KCTD8: variants seen among roughly 807,000 people sequenced by gnomAD.
KCTD8 encodes the protein BTB/POZ domain-containing protein KCTD8.
KCTD8 carries 27 observed loss-of-function variants against 31.5 expected under a neutral mutation model. The observed-to-expected ratio is 0.86, with a 90% CI of 0.63 to 1.18. The LOEUF (loss-of-function observed/expected upper bound fraction) is 1.18, where lower values mean the gene tolerates loss of function less well. KCTD8 is among the 50% of genes most tolerant of loss of function. The pLI, the probability that KCTD8 is intolerant of heterozygous loss-of-function variation, is 0.00. For synonymous variants in KCTD8, 290 were observed against 280.0 expected (o/e 1.04, Z -0.36); for missense variants, 658 against 647.7 (o/e 1.02, Z -0.17).
intron 1 of KCTD8, among the ~76,000 whole-genome samples, chr4:44,186,233 G>C (rs1053844039): frequency 2.6e-5 from 4 of 152,164 alleles, no homozygotes; most frequent in Non-Finnish European, 4.4e-5. Flanking sequence ...GCCATCAACT[G>C]GGGGAGCGAT....
chr4:44,445,401 T>G (rs1721914881), intron 1 of KCTD8, among the ~76,000 whole-genome samples: 1 of 152,188 alleles, frequency 6.6e-6, no homozygotes, highest in Non-Finnish European at 1.5e-5. Context: ...GGACTTTTTA[T>G]GAATGAATTT....
chr4:44,197,100 T>G (rs1018068977), intron 1 of KCTD8, among the ~76,000 whole-genome samples: 2 of 152,064 alleles, frequency 1.3e-5, no homozygotes, highest in Non-Finnish European at 2.9e-5. Context: ...CCGGAAAACA[T>G]GCAGATGGCA....
chr4:44,384,565 A>T (rs915508471), intron 1 of KCTD8, among the ~76,000 whole-genome samples: 2 of 151,898 alleles, frequency 1.3e-5, no homozygotes, highest in Non-Finnish European at 2.9e-5. Context: ...TCATATGTGG[A>T]AGCTAAAAAG....
chr4:44,250,831 G>A (rs1715807510), intron 1 of KCTD8, among the ~76,000 whole-genome samples: 1 of 151,596 alleles, frequency 6.6e-6, no homozygotes, highest in South Asian at 2.1e-4. Flanking sequence ...TTTATATAGG[G>A]TGCAAACATT....
chr4:44,263,446 C>T (rs1340500979), intron 1 of KCTD8, among the ~76,000 whole-genome samples: 3 of 152,102 alleles, frequency 2.0e-5, no homozygotes, highest in Non-Finnish European at 4.4e-5. Flanking sequence ...ACTTCTTAAT[C>T]GTTTGCTGTT....
intron 1 of KCTD8, among the ~76,000 whole-genome samples, chr4:44,365,495 G>A (rs1162941134): frequency 6.6e-6 from 1 of 152,038 alleles, no homozygotes; most frequent in African/African-American, 2.4e-5. Context: ...TGAATGCATT[G>A]AATAGAATAC....
intron 1 of KCTD8, among the ~76,000 whole-genome samples, chr4:44,392,564 C>T (rs376028087): frequency 9.3e-4 from 141 of 151,940 alleles, no homozygotes; most frequent in African/African-American, 3.2e-3. Flanking sequence ...ATTTCCCTGC[C>T]AATATTCATA....
chr4:44,426,451 T>C (rs986862065), intron 1 of KCTD8, among the ~76,000 whole-genome samples: 1 of 151,232 alleles, frequency 6.6e-6, no homozygotes, highest in African/African-American at 2.4e-5. Context: ...AGGAAGAGAA[T>C]AGAGGAGGAT....
intron 1 of KCTD8, among the ~76,000 whole-genome samples, chr4:44,353,872 A>G (rs766557463): frequency 9.2e-5 from 14 of 152,108 alleles, no homozygotes; most frequent in Non-Finnish European, 1.9e-4. Flanking sequence ...ACTAAGACAA[A>G]TAGTTGTTCA....
intron 1 of KCTD8, among the ~76,000 whole-genome samples, chr4:44,404,047 A>G (rs185189326): frequency 1.3e-5 from 2 of 152,276 alleles, no homozygotes; most frequent in East Asian, 3.9e-4. Context: ...TTCAGCACCT[A>G]CAAAACCGAG....
intron 1 of KCTD8, among the ~76,000 whole-genome samples, chr4:44,342,196 C>T (rs1392708793): frequency 1.3e-5 from 2 of 151,778 alleles, no homozygotes; most frequent in Admixed American, 1.3e-4. Context: ...ACGGTGAAAC[C>T]CCGTCTCTAC....
At chr4:44,272,314 A>C (rs1455953623) in intron 1 of KCTD8, among the ~76,000 whole-genome samples, 1 of 151,836 alleles carries the variant, frequency 6.6e-6, no homozygotes, top group African/African-American at 2.4e-5. Context: ...AGAAAGATAA[A>C]TGATGAACAA....
intron 1 of KCTD8, among the ~76,000 whole-genome samples, chr4:44,197,349 C>A (rs1239741079): frequency 6.6e-6 from 1 of 151,986 alleles, no homozygotes; most frequent in African/African-American, 2.4e-5. Context: ...CAGCCTGGAA[C>A]AAGTGAAAAA....
chr4:44,448,623 T>G lies in KCTD8; in HGVS notation c.-100A>C. On this transcript the variant is annotated 5_prime_UTR_variant, in exon 1 of 2. Transcript: ENST00000360029. The surrounding 1 kb of genome is among the most constrained non-coding windows in gnomAD (Gnocchi z 4.1). ...CGCGTGCTCCTGGCGCTCTGCGCCC[T>G]CGGACTGGGCGGCGCGTTCCTCCGA... is the stretch of plus-strand genomic sequence containing the variant. The G allele has an allele frequency of 8.1e-7, 1 of 1,235,550 alleles. No individual in the cohort carries two copies. The highest frequency in any genetic ancestry group is 1.0e-6 in the Non-Finnish European group (1 of 971,578). The allele number at this position is 1,235,550 out of a possible 1,614,324, so 76.5% of individuals were successfully genotyped here.
chr4:44,425,890 A>G (rs1448571973), intron 1 of KCTD8, among the ~76,000 whole-genome samples: 1 of 151,920 alleles, frequency 6.6e-6, no homozygotes, highest in African/African-American at 2.4e-5. Flanking sequence ...CATCTCCTGG[A>G]CATTGTCTTG....
At chr4:44,295,754 A>ATG (rs1717411047) in intron 1 of KCTD8, among the ~76,000 whole-genome samples, 1 of 152,194 alleles carries the variant, frequency 6.6e-6, no homozygotes, top group African/African-American at 2.4e-5. Context: ...ATTCATGAAC[A>ATG]AAACACCTCC....
rs867813625 is a variant in KCTD8, at chr4:44,301,426, T to G, written c.962-126176A>C. Reference sequence around the variant, plus strand: ...TTGCCATTCTAACTGGCGTGAGATGTTATCTCATTGTGGTTTTGATTTGCA... The same window carrying G: ...TTGCCATTCTAACTGGCGTGAGATGGTATCTCATTGTGGTTTTGATTTGCA... On this transcript the variant is annotated intron_variant, in intron 1 of 1. Coordinates refer to ENST00000360029, the MANE Select transcript of KCTD8 (RefSeq NM_198353.3). Among the ~76,000 whole-genome samples, 792 of 152,158 alleles carry G rather than the reference T, an allele frequency of 5.2e-3. 2 individuals carry two copies. Among genetic ancestry groups the G allele is most frequent in the Non-Finnish European group, 7.6e-3 (517 of 67,962 alleles).
chr4:44,447,921 C>T lies in KCTD8; in HGVS notation c.603G>A (p.Ala201=). 1 of 1,435,832 alleles carries T rather than the reference C, an allele frequency of 7.0e-7. No homozygotes were observed. The highest frequency in any genetic ancestry group is 9.1e-7 in the Non-Finnish European group (1 of 1,093,796). 88.9% of individuals were successfully genotyped at this position (1,435,832 alleles called of 1,614,324 possible). A position where few individuals can be genotyped will look rare whatever the true frequency, so the allele number is the denominator to read the frequency against. ...GAHGGGGGGG[A]QDKRSGFLTL... is the part of the protein sequence containing the mutation. ...TGAGGAAGCCCGAGCGCTTGTCCTG[C>T]GCGCCGCCGCCGCCGCCACCACCGT... Residue 201 remains alanine (A), a synonymous_variant, in exon 1 of 2, where the codon GCG becomes GCA. Transcript: ENST00000360029.
chr4:44,349,542 C>A (rs1159847157), intron 1 of KCTD8, among the ~76,000 whole-genome samples: 2 of 152,138 alleles, frequency 1.3e-5, no homozygotes, highest in Admixed American at 6.5e-5. Flanking sequence ...CTAATGTCAT[C>A]CTGAAAGCAT....
Sources: allele counts gnomAD v4.1 joint callset (sites outside exome capture counted in the v4.1 genomes callset), GRCh38; gene constraint gnomAD v4.1.1; non-coding constraint Gnocchi (gnomAD v3.1); transcripts MANE v1.5; gene names NCBI Gene and HGNC (gene_info 2026-07-23, HGNC 2026-07-21).